Variants in SPAG17 observed in about 807,000 individuals in gnomAD.
The protein encoded by SPAG17 is sperm associated antigen 17.
SPAG17 carries 169 observed loss-of-function variants against 273.6 expected under a neutral mutation model. The ratio of observed to expected loss-of-function variants is 0.62; its 90% CI spans 0.55 to 0.70. The LOEUF (loss-of-function observed/expected upper bound fraction) is 0.70. Ranked by LOEUF, SPAG17 falls within the 30% of genes least tolerant of loss-of-function variation. The pLI, the probability that SPAG17 is intolerant of heterozygous loss-of-function variation, is 0.00. For synonymous variants in SPAG17, 825 were observed against 873.2 expected (o/e 0.94, Z 0.97); for missense variants, 2,557 against 2,627.8 (o/e 0.97, Z 0.59).
At chr1:117,984,840 T>C (rs936293606) in intron 40 of SPAG17, 58 bp from the exon 41 acceptor site, 7 of 1,111,418 alleles carry the variant, frequency 6.3e-6, no homozygotes, top group African/African-American at 4.7e-5. Flanking sequence ...AAAGTGTTGT[T>C]TGTTTGTGCT....
intron 1 of SPAG17, among the ~76,000 whole-genome samples, chr1:118,166,597 C>A (rs527787855): frequency 2.0e-5 from 3 of 151,942 alleles, no homozygotes; most frequent in Admixed American, 2.0e-4. Flanking sequence ...TCTAAAATTG[C>A]AGGCTAAAAC....
At chr1:118,181,317 C>T (rs533784520) in intron 1 of SPAG17, among the ~76,000 whole-genome samples, 1 of 151,370 alleles carries the variant, frequency 6.6e-6, no homozygotes, top group South Asian at 2.1e-4. Context: ...TGTATTAAAC[C>T]CTACAATAAT....
intron 3 of SPAG17, 54 bp from the exon 4 acceptor site, chr1:118,115,495 G>A: frequency 6.6e-7 from 1 of 1,505,956 alleles, no homozygotes. Flanking sequence ...CTTTGGCACA[G>A]TCTGTCAGTG....
Position 118,069,344 on chromosome 1 carries a change from C to CAAAA in SPAG17, c.2386-2449_2386-2446dup, listed in dbSNP as rs563980015. 8.5e-4 allele frequency among the ~76,000 whole-genome samples: 73 copies of CAAAA among 86,154 alleles called. 5 individuals are homozygous for CAAAA. Among genetic ancestry groups the CAAAA allele is most frequent in the African/African-American group, 3.4e-3 (68 of 20,044 alleles). 56.5% of individuals were successfully genotyped at this position (86,154 alleles called of 152,430 possible). On this transcript the variant is annotated intron_variant, in intron 17 of 48. Coordinates refer to ENST00000336338, the MANE Select transcript of SPAG17 (RefSeq NM_206996.4). ...TAAGCGACAGAGTGAGACTCCGTCT[C>CAAAA]AAAAAAAAAAAAAAGTGGTGGTAGC... is the stretch of plus-strand genomic sequence containing the variant.
rs141878485 is a variant in SPAG17, at chr1:118,044,509, A to G, written c.2815-2467T>C. Among the ~76,000 whole-genome samples the G allele has an allele frequency of 9.2e-3, 1,394 of 152,306 alleles. 17 individuals are homozygous for G. Among genetic ancestry groups the G allele is most frequent in the African/African-American group, 0.032 (1,340 of 41,566 alleles). ...CCAAAAAAAAAAAGATAAACTGTCC[A>G]TAAAAGAATGACAAATTAGATGGAC... On this transcript the variant is annotated intron_variant, in intron 20 of 48. Coordinates refer to ENST00000336338, the MANE Select transcript of SPAG17 (RefSeq NM_206996.4).
chr1:117,973,849 G>A (rs575507456), intron 43 of SPAG17, among the ~76,000 whole-genome samples: 6 of 152,000 alleles, frequency 3.9e-5, no homozygotes, highest in African/African-American at 1.4e-4. Context: ...CAGAGTCCCC[G>A]GCATCTCTTG....
At position 118,040,780 on chromosome 1, in the gene SPAG17, T is replaced by TA. The variant is rs1649655988; in HGVS notation, c.3115dup (p.Tyr1039LeufsTer4). On this transcript the variant is annotated frameshift_variant, in exon 22 of 49. Transcript: ENST00000336338. LOFTEE classifies it high-confidence loss of function. ...TTCAATCTGCCCCCCATCAGAAGGA[T>TA]ACAGGTAGTAATTTGACCCTGAGAT... 2 of 1,607,252 alleles carry TA rather than the reference T, an allele frequency of 1.2e-6. No individual in the cohort carries two copies. Among genetic ancestry groups the TA allele is most frequent in the South Asian group, 2.2e-5 (2 of 90,956 alleles).
At chr1:118,164,422 A>G (rs895690578) in intron 1 of SPAG17, among the ~76,000 whole-genome samples, 2 of 151,742 alleles carry the variant, frequency 1.3e-5, no homozygotes, top group African/African-American at 4.8e-5. Flanking sequence ...GTCAGTCTGA[A>G]GTTGGCCATT....
intron 13 of SPAG17, 46 bp downstream of exon 13, chr1:118,085,876 C>T: frequency 2.0e-6 from 3 of 1,520,776 alleles, no homozygotes; most frequent in Non-Finnish European, 2.6e-6. Flanking sequence ...GCATATATGA[C>T]CATTAATTAA....
At chr1:118,066,937 A>G in intron 17 of SPAG17, 38 bp from the exon 18 acceptor site, 2 of 1,568,272 alleles carry the variant, frequency 1.3e-6, no homozygotes, top group South Asian at 1.2e-5. Context: ...AATCTTTTTT[A>G]TTTTCCCCAA....
intron 3 of SPAG17, among the ~76,000 whole-genome samples, chr1:118,147,037 A>T (rs543416305): frequency 6.6e-6 from 1 of 152,312 alleles, no homozygotes; most frequent in African/African-American, 2.4e-5. Context: ...TCTCTCAAGA[A>T]CTTCACTATT....
chr1:118,002,180 C>T (rs1658359242), intron 32 of SPAG17, among the ~76,000 whole-genome samples: 1 of 152,182 alleles, frequency 6.6e-6, no homozygotes, highest in South Asian at 2.1e-4. Flanking sequence ...GCACTGTGGT[C>T]TGAGAGACAG....
intron 28 of SPAG17, among the ~76,000 whole-genome samples, chr1:118,021,517 A>C (rs1660495362): frequency 6.6e-6 from 1 of 152,210 alleles, no homozygotes; most frequent in Admixed American, 6.5e-5. Flanking sequence ...TACAACACCA[A>C]GAGTGAACCC....
chr1:118,083,840 A>C (rs1465293504), intron 13 of SPAG17, among the ~76,000 whole-genome samples: 1 of 152,140 alleles, frequency 6.6e-6, no homozygotes, highest in Non-Finnish European at 1.5e-5. Context: ...TTTCGATAGA[A>C]AGTAGTTGTC....
chr1:118,062,366 C>CAAAAAAAAAAAAAAA (rs56029752), intron 18 of SPAG17, among the ~76,000 whole-genome samples: 25 of 46,386 alleles, frequency 5.4e-4, no homozygotes, highest in African/African-American at 2.3e-3. Context: ...GACTCCATCT[C>CAAAAAAAAAAAAAAA]AAAAAAAAAA....
intron 20 of SPAG17, among the ~76,000 whole-genome samples, chr1:118,047,720 C>G (rs1292959612): frequency 6.6e-6 from 1 of 152,162 alleles, no homozygotes; most frequent in African/African-American, 2.4e-5. Flanking sequence ...GCCTTAATAC[C>G]AGGCAAACCT....
In SPAG17 at chr1:117,954,053, C is replaced by CA; in HGVS notation, c.*1-5dup. 6.2e-7 allele frequency: 1 copy of CA among 1,610,690 alleles called. No homozygotes were observed. Among genetic ancestry groups the CA allele is most frequent in the Non-Finnish European group, 8.5e-7 (1 of 1,178,046 alleles). ...ATTGAGTTGTACCGAGAAGAAACTG[C>CA]AAAAATGAAGGAACACAAAGCCATT... On this transcript the variant is annotated splice_region_variant and splice_polypyrimidine_tract_variant and intron_variant, in intron 48 of 48. Transcript: ENST00000336338.
intron 4 of SPAG17, among the ~76,000 whole-genome samples, chr1:118,111,510 C>A (rs755063831): frequency 3.7e-4 from 55 of 150,404 alleles, no homozygotes; most frequent in Admixed American, 5.3e-4. Context: ...AACTAACCAG[C>A]CTGTAATTTC....
In SPAG17 at chr1:118,041,976, T is replaced by G; in HGVS notation, c.2881A>C (p.Lys961Gln). 6.2e-7 allele frequency: 1 copy of G among 1,614,026 alleles called. No homozygotes were observed. The highest frequency in any genetic ancestry group is 8.5e-7 in the Non-Finnish European group (1 of 1,179,938). The change falls in exon 21 of 49, where the codon AAG (lysine) becomes CAG (glutamine). Residue 961 changes from lysine (K) to glutamine (Q), a missense_variant. Transcript: ENST00000336338. Reference protein sequence around the residue: ...ERLREEKKAEKKGKEAGKKKG... With the variant: ...ERLREEKKAEQKGKEAGKKKG... ...TTTTTACCAGCTTCTTTACCCTTCT[T>G]CTCTGCTTTCTTTTCTTCCCTTAAG...
Sources: gnomAD v4.1 joint callset for allele counts (sites outside exome capture counted in the v4.1 genomes callset) on GRCh38, gnomAD v4.1.1 for gene constraint, MANE v1.5 for transcripts, NCBI Gene and HGNC (gene_info 2026-07-23, HGNC 2026-07-21) for gene names.